The following PPP2R3B variants were observed in gnomAD, a reference collection of about 807,000 sequenced individuals.
PPP2R3B encodes serine/threonine-protein phosphatase 2A regulatory subunit B'' subunit beta.
Under a neutral mutation model 72.9 loss-of-function variants are expected in PPP2R3B, and 68 were observed. The observed-to-expected ratio is 0.93, with a 90% confidence interval of 0.77 to 1.14. The LOEUF (loss-of-function observed/expected upper bound fraction) is 1.14, where lower values mean the gene tolerates loss of function less well. Ranked by LOEUF, PPP2R3B falls within the 50% of genes most tolerant of loss-of-function variation. PPP2R3B has a pLI of 0.00. For synonymous variants in PPP2R3B, 466 were observed against 375.8 expected, an observed-to-expected ratio of 1.24 and a Z score of -2.78; for missense variants, 1,018 against 842.0, an observed-to-expected ratio of 1.21 and a Z score of -2.59.
At chrX:345,411 C>T (rs765613256) in intron 7 of PPP2R3B, 105 bp downstream of exon 7, 1 of 1,451,794 alleles carries the variant, frequency 6.9e-7, no homozygotes, top group South Asian at 1.2e-5. Flanking sequence ...GCTGCAGACA[C>T]AGAGCTGGGA....
chrX:368,630 C>T (rs1241662730), intron 1 of PPP2R3B, among the ~76,000 whole-genome samples: 2 of 86,138 alleles, frequency 2.3e-5, no homozygotes, highest in African/African-American at 5.2e-5. Context: ...CCCTGGGCAC[C>T]GACGGGGGGA....
chrX:384,375 T>C (rs1160351399), intron 1 of PPP2R3B, among the ~76,000 whole-genome samples: 3 of 150,772 alleles, frequency 2.0e-5, no homozygotes, highest in Non-Finnish European at 4.4e-5. Flanking sequence ...CAGCTCACAG[T>C]AATCTCCGAC....
At chrX:338,529 CCCACTCA>C in intron 12 of PPP2R3B, 68 bp downstream of exon 12, 3 of 372,922 alleles carry the variant, frequency 8.0e-6, no homozygotes, top group Non-Finnish European at 1.2e-5. Context: ...CACCCGTCCT[CCCACTCA>C]CCCGTCCTCC....
In PPP2R3B at chrX:346,715, G is replaced by GC; in HGVS notation, c.777dup (p.Arg260AlafsTer85). On this transcript the variant is annotated frameshift_variant, in exon 5 of 13. Transcript: ENST00000390665. LOFTEE classifies it high-confidence loss of function. ...TGGGGACCCACCGTGGTGATGTAGCGCGAGTGGAACTCGGACGCCTCCTTC... is the reference window on the plus strand; with the variant it reads ...TGGGGACCCACCGTGGTGATGTAGCGCCGAGTGGAACTCGGACGCCTCCTTC... 1 of 1,609,728 alleles carries GC rather than the reference G, an allele frequency of 6.2e-7. No individual in the cohort carries two copies. The highest frequency in any genetic ancestry group is 8.5e-7 in the Non-Finnish European group (1 of 1,178,404).
intron 7 of PPP2R3B, 150 bp downstream of exon 7, chrX:345,366 T>C: frequency 9.0e-7 from 1 of 1,111,972 alleles, no homozygotes; most frequent in Non-Finnish European, 1.3e-6. Flanking sequence ...GAGAGGCAGC[T>C]GCAGACACAG....
intron 2 of PPP2R3B, among the ~76,000 whole-genome samples, chrX:354,337 A>G (rs1348945431): frequency 1.3e-5 from 2 of 148,476 alleles, no homozygotes; most frequent in Non-Finnish European, 3.0e-5. Flanking sequence ...GTCCTTCATG[A>G]CCACAGACGC....
chrX:355,147 G>A (rs1002499491), intron 2 of PPP2R3B, among the ~76,000 whole-genome samples: 1 of 152,198 alleles, frequency 6.6e-6, no homozygotes. Flanking sequence ...TGGTAGAGCC[G>A]ATGACTGAGT....
intron 2 of PPP2R3B, among the ~76,000 whole-genome samples, chrX:348,495 G>A (rs1692374638): frequency 6.6e-6 from 1 of 151,524 alleles, no homozygotes; most frequent in African/African-American, 2.4e-5. Context: ...AGAATCACTT[G>A]ATCCTGGGAG....
rs775182250 is a variant in PPP2R3B at position 364,577 on chromosome X, G to A, written c.325-2987C>T. 1.2e-3 allele frequency among the ~76,000 whole-genome samples: 187 copies of A among 149,844 alleles called. 15 individuals are homozygous for A. The highest frequency in any genetic ancestry group is 4.3e-3 in the African/African-American group (177 of 40,710). The stretch of plus-strand genomic sequence containing the variant: ...AAAGAGTATAAAAAAAATTAGCCGG[G>A]TGTGGTGGAGGGTGCCTGTACTCCC... On this transcript the variant is annotated intron_variant, in intron 1 of 12. Transcript: ENST00000390665.
rs762792852 is a variant in PPP2R3B at position 347,346 on chromosome X, C to T, written c.615-10G>A. The T allele has an allele frequency of 1.2e-6, 2 of 1,613,236 alleles. No homozygotes were observed. The highest frequency in any genetic ancestry group is 4.5e-5 in the East Asian group (2 of 44,858). Reference sequence around the variant, plus strand: ...GCAGTTCTGGAGGATTCTGGAAGGACAGGATGACTGGGCACCACCCTCACA... The same window carrying T: ...GCAGTTCTGGAGGATTCTGGAAGGATAGGATGACTGGGCACCACCCTCACA... On this transcript the variant is annotated splice_polypyrimidine_tract_variant and intron_variant, in intron 3 of 12. Coordinates refer to ENST00000390665, the MANE Select transcript of PPP2R3B (RefSeq NM_013239.5).
intron 10 of PPP2R3B, 33 bp downstream of exon 10, chrX:340,732 C>T (rs775610231): frequency 6.2e-7 from 1 of 1,608,152 alleles, no homozygotes. Flanking sequence ...CGTCCGTCCC[C>T]TCACCCTGGG....
At chrX:381,587 GCTC>G (rs1030907379) in intron 1 of PPP2R3B, among the ~76,000 whole-genome samples, 61 of 145,938 alleles carry the variant, frequency 4.2e-4, no homozygotes, top group African/African-American at 1.5e-3. Flanking sequence ...ACAGGAACAA[GCTC>G]ATCTTTTTTT....
intron 7 of PPP2R3B, among the ~76,000 whole-genome samples, chrX:344,366 G>A (rs1331070621): frequency 2.0e-5 from 3 of 152,152 alleles, no homozygotes; most frequent in East Asian, 3.9e-4. Context: ...AAGCACCGTC[G>A]CCGTCAGCTT....
chrX:379,936 C>T (rs373998101), intron 1 of PPP2R3B, among the ~76,000 whole-genome samples: 1 of 152,136 alleles, frequency 6.6e-6, no homozygotes, highest in Non-Finnish European at 1.5e-5. Context: ...GCACATACAG[C>T]AATGGGATGG....
At position 334,250 on chromosome X, in the gene PPP2R3B, A is replaced by G. The variant is rs1291073789; in HGVS notation, c.*117T>C. The G allele has an allele frequency of 6.7e-6, 8 of 1,201,148 alleles. No homozygotes were observed. In the East Asian group the frequency reaches 9.4e-5, roughly 14 times the overall value. 74.4% of individuals were successfully genotyped at this position (1,201,148 alleles called of 1,614,324 possible). On this transcript the variant is annotated 3_prime_UTR_variant, in exon 13 of 13. Coordinates refer to ENST00000390665, the MANE Select transcript of PPP2R3B (RefSeq NM_013239.5). ...ATCAACACGCTTCTGTGAATAAATA[A>G]AAGTTTATCATTCCGTACAAACGCA...
intron 1 of PPP2R3B, among the ~76,000 whole-genome samples, chrX:372,194 A>G (rs1303580306): frequency 2.6e-5 from 4 of 152,224 alleles, no homozygotes; most frequent in Non-Finnish European, 4.4e-5. Context: ...GCAGGTTAAG[A>G]GGATTTTAAA....
Position 348,581 on chromosome X carries a change from A to AAAAAAAAG in PPP2R3B, c.511-889_511-888insCTTTTTTT, listed in dbSNP as rs111787156. ...ACAGAGAGAGACTCTGTCTCAAAAA[A>AAAAAAAAG]AGAGCAAATACAGATTAGCCATGTC... On this transcript the variant is annotated intron_variant, in intron 2 of 12. Coordinates refer to ENST00000390665, the MANE Select transcript of PPP2R3B (RefSeq NM_013239.5). 6.4e-4 allele frequency among the ~76,000 whole-genome samples: 93 copies of AAAAAAAAG among 144,388 alleles called. 5 individuals are homozygous for AAAAAAAAG. Among genetic ancestry groups the AAAAAAAAG allele is most frequent in the Middle Eastern group, 3.5e-3 (1 of 282 alleles). The allele number at this position is 144,388 out of a possible 152,430, so 94.7% of individuals were successfully genotyped here.
intron 10 of PPP2R3B, 53 bp from the exon 11 acceptor site, chrX:338,949 G>A (rs929512594): frequency 4.7e-6 from 7 of 1,486,600 alleles, no homozygotes; most frequent in African/African-American, 4.2e-5. Context: ...CACCTTCGGG[G>A]CCTGGGTGTG....
intron 2 of PPP2R3B, among the ~76,000 whole-genome samples, chrX:358,826 G>C (rs184667848): frequency 1.3e-5 from 2 of 151,436 alleles, no homozygotes; most frequent in South Asian, 2.1e-4. Flanking sequence ...GCACCACGGT[G>C]GGGGGAGGCG....
Sources: gnomAD v4.1 joint callset for allele counts (sites outside exome capture counted in the v4.1 genomes callset) on GRCh38, gnomAD v4.1.1 for gene constraint, MANE v1.5 for transcripts, NCBI Gene and HGNC (gene_info 2026-07-23, HGNC 2026-07-21) for gene names.